Variants in SGCD observed in about 807,000 individuals in gnomAD.
SGCD encodes delta-sarcoglycan.
Under a neutral mutation model 36.6 loss-of-function variants are expected in SGCD, and 18 were observed. The observed-to-expected ratio is 0.49, with a 90% CI of 0.34 to 0.73. The LOEUF (loss-of-function observed/expected upper bound fraction) is 0.73, where lower values mean the gene tolerates loss of function less well. Among genes scored for constraint, SGCD ranks in the 30% least tolerant of loss-of-function variants. SGCD has a pLI of 0.01. For synonymous variants in SGCD, 133 were observed against 130.6 expected, an observed-to-expected ratio of 1.02 and a Z score of -0.12; for missense variants, 387 against 346.7, an observed-to-expected ratio of 1.12 and a Z score of -0.92.
At chr5:156,677,373 G>T (rs1248834939) in intron 7 of SGCD, among the ~76,000 whole-genome samples, 2 of 152,190 alleles carry the variant, frequency 1.3e-5, no homozygotes, top group African/African-American at 4.8e-5. Context: ...CAGGGACATG[G>T]ATGCAGCTGG....
chr5:156,485,091 G>T (rs894043169), intron 3 of SGCD, among the ~76,000 whole-genome samples: 1 of 151,956 alleles, frequency 6.6e-6, no homozygotes, highest in Non-Finnish European at 1.5e-5. Flanking sequence ...ACATTCCTAA[G>T]AAACAGAGGT....
the SGCD span, among the ~76,000 whole-genome samples, chr5:155,772,759 CTAT>C: frequency 6.6e-6 from 1 of 151,960 alleles, no homozygotes; most frequent in Non-Finnish European, 1.5e-5. Context: ...GAATGAGTTA[CTAT>C]TATTATTTTT....
At chr5:156,423,534 G>A (rs1184554275) in intron 3 of SGCD, among the ~76,000 whole-genome samples, 4 of 146,022 alleles carry the variant, frequency 2.7e-5, no homozygotes, top group Admixed American at 2.2e-4. Flanking sequence ...TACCTTCGAT[G>A]TGAAGGTTCA....
intron 3 of SGCD, among the ~76,000 whole-genome samples, chr5:156,227,735 TTGTC>T (rs1405428068): frequency 1.3e-5 from 2 of 152,168 alleles, no homozygotes; most frequent in Non-Finnish European, 2.9e-5. Context: ...CAACGTTAGA[TTGTC>T]TGTTTGTGCC....
intron 3 of SGCD, among the ~76,000 whole-genome samples, chr5:156,299,287 C>T (rs976704230): frequency 6.6e-6 from 1 of 152,054 alleles, no homozygotes; most frequent in African/African-American, 2.4e-5. Flanking sequence ...ATGTGCTATT[C>T]CACTTGTCTG....
chr5:156,263,089 T>C (rs184531832), intron 3 of SGCD, among the ~76,000 whole-genome samples: 250 of 152,174 alleles, frequency 1.6e-3, no homozygotes, highest in African/African-American at 5.6e-3. Flanking sequence ...TTATCCTTTT[T>C]GTGTAATGAC....
intron 3 of SGCD, among the ~76,000 whole-genome samples, chr5:156,367,319 T>A (rs1770156161): frequency 6.6e-6 from 1 of 152,206 alleles, no homozygotes; most frequent in Non-Finnish European, 1.5e-5. Flanking sequence ...GTAGGAGCAA[T>A]TTAAAAACTA....
At chr5:155,910,230 G>A (rs1277269779) in intron 1 of SGCD, among the ~76,000 whole-genome samples, 1 of 151,958 alleles carries the variant, frequency 6.6e-6, no homozygotes, top group Non-Finnish European at 1.5e-5. Context: ...ACTATTTTAT[G>A]TGTTGACATT....
At chr5:156,487,794 A>G (rs1755747066) in intron 3 of SGCD, among the ~76,000 whole-genome samples, 1 of 70,546 alleles carries the variant, frequency 1.4e-5, no homozygotes. Flanking sequence ...TCACCAAAAA[A>G]AAAAAAAAAA....
chr5:156,290,915 T>C (rs1766741723), intron 3 of SGCD, among the ~76,000 whole-genome samples: 1 of 152,124 alleles, frequency 6.6e-6, no homozygotes, highest in Non-Finnish European at 1.5e-5. Flanking sequence ...TTAGGCTTTG[T>C]TGGACATAGT....
chr5:156,272,956 C>T (rs891501408), intron 3 of SGCD, among the ~76,000 whole-genome samples: 1 of 152,190 alleles, frequency 6.6e-6, no homozygotes, highest in Non-Finnish European at 1.5e-5. Context: ...AAGCCAAACG[C>T]CTTTACTATC....
chr5:156,433,460 A>G (rs1383071765), intron 3 of SGCD, among the ~76,000 whole-genome samples: 1 of 152,138 alleles, frequency 6.6e-6, no homozygotes, highest in Non-Finnish European at 1.5e-5. Flanking sequence ...TTGGTGGCTG[A>G]CCACCTTGAA....
At chr5:156,637,835 A>G (rs1408608074) in intron 6 of SGCD, among the ~76,000 whole-genome samples, 1 of 152,208 alleles carries the variant, frequency 6.6e-6, no homozygotes. Flanking sequence ...CTTTCGTAAC[A>G]GGACTGTATT....
At chr5:156,131,288 A>G (rs1762316114) in intron 3 of SGCD, among the ~76,000 whole-genome samples, 1 of 152,220 alleles carries the variant, frequency 6.6e-6, no homozygotes, top group African/African-American at 2.4e-5. Flanking sequence ...TCAAGTCCAG[A>G]TGGTTTTACT....
chr5:155,987,504 T>C (rs917971696), intron 1 of SGCD, among the ~76,000 whole-genome samples: 3 of 152,204 alleles, frequency 2.0e-5, no homozygotes, highest in African/African-American at 4.8e-5. Context: ...GCCAATTATC[T>C]ATCTCTAACA....
intron 7 of SGCD, among the ~76,000 whole-genome samples, chr5:156,686,778 G>A (rs1028674448): frequency 1.3e-5 from 2 of 152,180 alleles, no homozygotes; most frequent in African/African-American, 2.4e-5. Context: ...TCTCTGATCA[G>A]CTTTGTTTTA....
At chr5:156,037,225 G>C (rs1759520902) in intron 1 of SGCD, among the ~76,000 whole-genome samples, 1 of 152,218 alleles carries the variant, frequency 6.6e-6, no homozygotes, top group African/African-American at 2.4e-5. Flanking sequence ...GGAGGTGGGT[G>C]AAAGCTTCCC....
chr5:156,564,226 G>C (rs1759383929), intron 4 of SGCD, among the ~76,000 whole-genome samples: 1 of 152,184 alleles, frequency 6.6e-6, no homozygotes, highest in African/African-American at 2.4e-5. Context: ...GAGGCAGGCT[G>C]ATCACAAGGT....
At chr5:156,356,344 G>A (rs961767216) in intron 3 of SGCD, among the ~76,000 whole-genome samples, 7 of 152,124 alleles carry the variant, frequency 4.6e-5, no homozygotes, top group Non-Finnish European at 1.0e-4. Context: ...TACATGTGTG[G>A]GTGGTTGATG....
Sources: gnomAD v4.1 joint callset for allele counts (sites outside exome capture counted in the v4.1 genomes callset) on GRCh38, gnomAD v4.1.1 for gene constraint, MANE v1.5 for transcripts, NCBI Gene and HGNC (gene_info 2026-07-23, HGNC 2026-07-21) for gene names.